The following APPL2 variants were observed in gnomAD, a reference collection of about 807,000 sequenced individuals.
APPL2 encodes DCC-interacting protein 13-beta.
In APPL2, 84 loss-of-function variants were observed where a neutral mutation model predicts 92.7. That is an observed-to-expected ratio of 0.91 (90% CI 0.76 to 1.09). The LOEUF (loss-of-function observed/expected upper bound fraction) is 1.09, where lower values mean the gene tolerates loss of function less well. APPL2 is among the 50% of genes least tolerant of loss of function. APPL2 has a pLI of 0.00. For synonymous variants in APPL2, 291 were observed against 291.0 expected (o/e 1.00, Z 0.00); for missense variants, 736 against 824.5 (o/e 0.89, Z 1.31).
intron 9 of APPL2, among the ~76,000 whole-genome samples, chr12:105,201,087 T>G (rs1469469587): frequency 6.6e-6 from 1 of 152,120 alleles, no homozygotes; most frequent in Non-Finnish European, 1.5e-5. Context: ...TTTTGTATTT[T>G]TAGTAGAGAA....
Position 105,199,065 on chromosome 12 carries a change from A to G in APPL2, c.863+308T>C, listed in dbSNP as rs564435893. Among the ~76,000 whole-genome samples the G allele has an allele frequency of 3.9e-5, 6 of 152,228 alleles. No homozygotes were observed. The South Asian group carries it at 1.2e-3, about 32-fold the overall frequency. ...GGTGTGGGGGAAGTGGCATGAGGGG[A>G]TAAAAACTGTCAGTGGTCCAGGACG... On this transcript the variant is annotated intron_variant, in intron 10 of 20. Coordinates refer to ENST00000258530, the MANE Select transcript of APPL2 (RefSeq NM_018171.5).
At chr12:105,210,382 T>C (rs987069975) in intron 5 of APPL2, among the ~76,000 whole-genome samples, 4 of 152,248 alleles carry the variant, frequency 2.6e-5, no homozygotes, top group Non-Finnish European at 5.9e-5. Flanking sequence ...CCAGATCTTT[T>C]AGCATTCAGG....
At chr12:105,232,697 G>A (rs1372798753) in intron 1 of APPL2, among the ~76,000 whole-genome samples, 1 of 148,492 alleles carries the variant, frequency 6.7e-6, no homozygotes, top group Non-Finnish European at 1.5e-5. Context: ...CCAGGAGGCT[G>A]AGGCTGCAGT....
At position 105,190,070 on chromosome 12, in the gene APPL2, G is replaced by T. The variant is rs771272779; in HGVS notation, c.1327C>A (p.Leu443Met). 4.3e-6 allele frequency: 7 copies of T among 1,614,206 alleles called. No homozygotes were observed. Among genetic ancestry groups the T allele is most frequent in the Non-Finnish European group, 5.9e-6 (7 of 1,180,042 alleles). The change falls in exon 15 of 21, where the codon CTG becomes ATG. Residue 443 changes from leucine to methionine, a missense_variant. Coordinates refer to ENST00000258530, the MANE Select transcript of APPL2 (RefSeq NM_018171.5). ...ATASLPEAEE[L>M]IAPGTPIQFD... Reference sequence around the variant, plus strand: ...TGAATCGGCGTTCCAGGCGCGATCAGCTCCTCTGCTTCAGGTAGACTGGCT... The same window carrying T: ...TGAATCGGCGTTCCAGGCGCGATCATCTCCTCTGCTTCAGGTAGACTGGCT...
chr12:105,227,202 A>G (rs1038505653), intron 2 of APPL2, among the ~76,000 whole-genome samples: 4 of 151,506 alleles, frequency 2.6e-5, no homozygotes, highest in Non-Finnish European at 5.9e-5. Flanking sequence ...GGTCCTCACT[A>G]TATTGACTAG....
At chr12:105,223,756 A>G (rs147975288) in intron 2 of APPL2, among the ~76,000 whole-genome samples, 195 of 152,330 alleles carry the variant, frequency 1.3e-3, no homozygotes, top group African/African-American at 4.5e-3. Flanking sequence ...GTACAGTGCT[A>G]TTGCAACTAT....
At chr12:105,213,959 G>T (rs1077896) in intron 4 of APPL2, among the ~76,000 whole-genome samples, 3 of 152,100 alleles carry the variant, frequency 2.0e-5, no homozygotes, top group Non-Finnish European at 2.9e-5. Flanking sequence ...GGCTGAGGCG[G>T]GCAGATCACT....
At chr12:105,214,927 C>A (rs979934809) in intron 4 of APPL2, among the ~76,000 whole-genome samples, 2 of 152,228 alleles carry the variant, frequency 1.3e-5, no homozygotes, top group Non-Finnish European at 2.9e-5. Context: ...GTTTGGAGAG[C>A]TTCCAGGTCA....
intron 1 of APPL2, among the ~76,000 whole-genome samples, chr12:105,231,349 AAACTAAAATT>A (rs1461444963): frequency 1.3e-5 from 2 of 152,254 alleles, no homozygotes; most frequent in African/African-American, 2.4e-5. Context: ...GGTAGAAAGA[AAACTAAAATT>A]ACCACTTACT....
rs771054486 is a variant in APPL2, at chr12:105,207,250, C to G, written c.475-43G>C. 1.9e-6 allele frequency: 3 copies of G among 1,566,984 alleles called. No individual in the cohort carries two copies. In the South Asian group the frequency reaches 3.5e-5, roughly 18 times the overall value. On this transcript the variant is annotated intron_variant, in intron 7 of 20. Transcript: ENST00000258530. ...GGAAAACTTCAAGTTGTCTACTGTA[C>G]GTGACAATTCTGTAAAAGCGTGTGC...
At chr12:105,208,305 G>GC (rs147642512) in intron 5 of APPL2, 106 bp from the exon 6 acceptor site, 1 of 1,339,364 alleles carries the variant, frequency 7.5e-7, no homozygotes, top group Non-Finnish European at 1.1e-6. Flanking sequence ...TGCAAGGGAA[G>GC]CCCCTGCACC....
intron 5 of APPL2, 43 bp from the exon 6 acceptor site, chr12:105,208,242 A>C (rs1888918517): frequency 6.2e-7 from 1 of 1,608,074 alleles, no homozygotes; most frequent in Non-Finnish European, 8.5e-7. Flanking sequence ...ATGAAAAATA[A>C]AACATGCCAA....
At chr12:105,233,217 CTG>C (rs1891045086) in intron 1 of APPL2, 1 of 985,378 alleles carries the variant, frequency 1.0e-6, no homozygotes, top group African/African-American at 1.7e-5. Flanking sequence ...CTGGAACAAA[CTG>C]TGAACCAGTC....
chr12:105,233,330 C>T, intron 1 of APPL2: 2 of 985,448 alleles, frequency 2.0e-6, no homozygotes, highest in South Asian at 4.7e-5. Flanking sequence ...TTTCTTAATC[C>T]CTAAAATGTT....
Position 105,189,827 on chromosome 12 carries a change from A to C in APPL2, c.1407-3T>G. On this transcript the variant is annotated splice_polypyrimidine_tract_variant and splice_region_variant and intron_variant, in intron 15 of 20. Transcript: ENST00000258530. Reference sequence around the variant, plus strand: ...TTTCACCAAAAGGGTTGGTACGCCTAGGGGAATAGCCAGAGTTGAACAAAC... The same window carrying C: ...TTTCACCAAAAGGGTTGGTACGCCTCGGGGAATAGCCAGAGTTGAACAAAC... The C allele has an allele frequency of 6.2e-7, 1 of 1,614,194 alleles. No individual in the cohort carries two copies. Among genetic ancestry groups the C allele is most frequent in the Non-Finnish European group, 8.5e-7 (1 of 1,180,028 alleles).
chr12:105,232,650 G>A (rs1223871806), intron 1 of APPL2, among the ~76,000 whole-genome samples: 1 of 151,428 alleles, frequency 6.6e-6, no homozygotes, highest in Non-Finnish European at 1.5e-5. Flanking sequence ...TGTAGTCCTA[G>A]CTACTCAGAA....
In APPL2 at chr12:105,199,678, C is replaced by A. The variant is rs1217310953; in HGVS notation, c.705-147G>T. 13 of 771,558 alleles carry A rather than the reference C, an allele frequency of 1.7e-5. No homozygotes were observed. The East Asian group carries it at 3.3e-4, about 20-fold the overall frequency. 47.8% of individuals were successfully genotyped at this position (771,558 alleles called of 1,614,324 possible). Reference sequence around the variant, plus strand: ...CCTCCTACAGGGCCACAACCCTCTACCCTTAGGCCCTGAAAACTATGAATC... The same window carrying A: ...CCTCCTACAGGGCCACAACCCTCTAACCTTAGGCCCTGAAAACTATGAATC... On this transcript the variant is annotated intron_variant, in intron 9 of 20. Coordinates refer to ENST00000258530, the MANE Select transcript of APPL2 (RefSeq NM_018171.5).
At chr12:105,205,364 C>T (rs1888611153) in intron 8 of APPL2, among the ~76,000 whole-genome samples, 1 of 152,218 alleles carries the variant, frequency 6.6e-6, no homozygotes, top group East Asian at 1.9e-4. Context: ...AACAATGATG[C>T]TCCTGCCACT....
chr12:105,226,543 C>T (rs1592838037), intron 2 of APPL2, among the ~76,000 whole-genome samples: 1 of 152,256 alleles, frequency 6.6e-6, no homozygotes, highest in South Asian at 2.1e-4. Context: ...TTGGATAACC[C>T]CAAGTAGATG....
Sources: gnomAD v4.1 joint callset for allele counts (sites outside exome capture counted in the v4.1 genomes callset) on GRCh38, gnomAD v4.1.1 for gene constraint, MANE v1.5 for transcripts, NCBI Gene and HGNC (gene_info 2026-07-23, HGNC 2026-07-21) for gene names.